MACROD2: variants seen among roughly 807,000 people sequenced by gnomAD.
MACROD2 encodes the protein ADP-ribose glycohydrolase MACROD2.
In MACROD2, 36 loss-of-function variants were observed where a neutral mutation model predicts 70.4. That is an observed-to-expected ratio of 0.51 (90% confidence interval 0.39 to 0.68). MACROD2 has a LOEUF of 0.68. Ranked by LOEUF, MACROD2 falls within the 30% of genes least tolerant of loss-of-function variation. The pLI, the probability that MACROD2 is intolerant of heterozygous loss-of-function variation, is 0.00. For missense variants in MACROD2, 496 were observed against 538.4 expected (o/e 0.92, Z 0.78); for synonymous variants, 172 against 178.8 (o/e 0.96, Z 0.30).
intron 5 of MACROD2, among the ~76,000 whole-genome samples, chr20:15,075,844 C>T (rs1030462870): frequency 1.3e-5 from 2 of 152,022 alleles, no homozygotes; most frequent in Non-Finnish European, 2.9e-5. Context: ...ACAAAGACAC[C>T]CTCCATGAGC....
At chr20:15,086,303 T>G (rs1354227450) in intron 5 of MACROD2, among the ~76,000 whole-genome samples, 1 of 152,212 alleles carries the variant, frequency 6.6e-6, no homozygotes, top group Non-Finnish European at 1.5e-5. Flanking sequence ...GAATACACAC[T>G]ATGTATGTTA....
At chr20:14,239,136 G>C (rs2122229522) in intron 3 of MACROD2, among the ~76,000 whole-genome samples, 1 of 151,384 alleles carries the variant, frequency 6.6e-6, no homozygotes. Context: ...AGGCAAAAGA[G>C]AATAAAGTAC....
intron 3 of MACROD2, among the ~76,000 whole-genome samples, chr20:14,215,263 CATAT>C (rs948330778): frequency 6.7e-6 from 1 of 148,418 alleles, no homozygotes; most frequent in Non-Finnish European, 1.5e-5. Context: ...TATATTCCAT[CATAT>C]ATATATGTTC....
At chr20:14,435,423 T>C (rs995272256) in intron 3 of MACROD2, among the ~76,000 whole-genome samples, 4 of 152,182 alleles carry the variant, frequency 2.6e-5, no homozygotes, top group Admixed American at 2.0e-4. Context: ...GACATATCTT[T>C]TGTGGGGGCA....
chr20:15,656,403 T>C (rs1017759294), intron 8 of MACROD2, among the ~76,000 whole-genome samples: 4 of 152,224 alleles, frequency 2.6e-5, no homozygotes, highest in African/African-American at 9.7e-5. Flanking sequence ...TAGGAATGGC[T>C]ATCTTTCTTG....
At chr20:15,511,884 C>T (rs1317181310) in intron 8 of MACROD2, among the ~76,000 whole-genome samples, 1 of 152,156 alleles carries the variant, frequency 6.6e-6, no homozygotes, top group Non-Finnish European at 1.5e-5. Context: ...CTGGGGCATA[C>T]CCTAAATCTA....
At chr20:15,118,337 C>T (rs1175711686) in intron 5 of MACROD2, among the ~76,000 whole-genome samples, 2 of 151,992 alleles carry the variant, frequency 1.3e-5, no homozygotes, top group Non-Finnish European at 2.9e-5. Context: ...GGACTACAGG[C>T]ATGCGCCACC....
Position 14,278,538 on chromosome 20 carries a change from A to G in MACROD2, c.271+192810A>G, listed in dbSNP as rs77304142. ...AGTTTTAGCCATCTCTTTTTCAGCAATATTTTTTCTTCTTCCTTAAACTAA... is the reference window on the plus strand; with the variant it reads ...AGTTTTAGCCATCTCTTTTTCAGCAGTATTTTTTCTTCTTCCTTAAACTAA... On this transcript the variant is annotated intron_variant, in intron 3 of 17. Transcript: ENST00000684519. Among the ~76,000 whole-genome samples the G allele has an allele frequency of 2.6e-3, 402 of 152,316 alleles. 3 individuals carry two copies. The highest frequency in any genetic ancestry group is 9.4e-3 in the African/African-American group (389 of 41,572).
intron 3 of MACROD2, among the ~76,000 whole-genome samples, chr20:14,412,937 A>T (rs972181404): frequency 6.6e-6 from 1 of 152,204 alleles, no homozygotes; most frequent in African/African-American, 2.4e-5. Context: ...TTTTGGCAGA[A>T]CAGTGACTCA....
At chr20:15,695,444 G>A (rs2050354894) in intron 8 of MACROD2, among the ~76,000 whole-genome samples, 1 of 141,936 alleles carries the variant, frequency 7.0e-6, no homozygotes, top group African/African-American at 2.7e-5. Context: ...GTCTTGCTCT[G>A]TCACCCAGGC....
chr20:14,622,511 G>C (rs1307262914), intron 4 of MACROD2, among the ~76,000 whole-genome samples: 1 of 152,144 alleles, frequency 6.6e-6, no homozygotes, highest in Non-Finnish European at 1.5e-5. Context: ...AGACACAAAA[G>C]AGTTGTTAGA....
chr20:15,523,267 C>T (rs567000250), intron 8 of MACROD2, among the ~76,000 whole-genome samples: 165 of 152,276 alleles, frequency 1.1e-3, no homozygotes, highest in African/African-American at 3.9e-3. Context: ...TCACTTGAGT[C>T]GTGGCAGATA....
At chr20:15,688,947 G>A (rs545624824) in intron 8 of MACROD2, among the ~76,000 whole-genome samples, 2 of 152,340 alleles carry the variant, frequency 1.3e-5, no homozygotes, top group East Asian at 1.9e-4. Flanking sequence ...TGGATAACAA[G>A]TATTTATTGC....
intron 6 of MACROD2, among the ~76,000 whole-genome samples, chr20:15,308,784 C>A (rs2077723241): frequency 6.6e-6 from 1 of 152,138 alleles, no homozygotes; most frequent in Non-Finnish European, 1.5e-5. Flanking sequence ...GCACACGTAG[C>A]CTGTGCTCTC....
intron 8 of MACROD2, among the ~76,000 whole-genome samples, chr20:15,636,976 C>T (rs1004613809): frequency 3.9e-5 from 6 of 152,324 alleles, no homozygotes; most frequent in South Asian, 4.1e-4. Flanking sequence ...AGCCACTTCA[C>T]TGCTGAAGGT....
chr20:14,596,843 A>G (rs1982175114), intron 4 of MACROD2, among the ~76,000 whole-genome samples: 1 of 152,182 alleles, frequency 6.6e-6, no homozygotes. Flanking sequence ...CAAATGAAGT[A>G]TGTTTGTACA....
chr20:14,762,797 G>A (rs1434057075), intron 5 of MACROD2, among the ~76,000 whole-genome samples: 1 of 152,040 alleles, frequency 6.6e-6, no homozygotes, highest in Non-Finnish European at 1.5e-5. Flanking sequence ...AGATGTGGCT[G>A]TGGGCATCTG....
At chr20:15,568,320 T>G (rs563446609) in intron 8 of MACROD2, among the ~76,000 whole-genome samples, 1 of 152,326 alleles carries the variant, frequency 6.6e-6, no homozygotes, top group Admixed American at 6.5e-5. Flanking sequence ...TACAACACAT[T>G]GTTTTCCTTT....
At chr20:15,921,878 G>C (rs192565125) in intron 10 of MACROD2, among the ~76,000 whole-genome samples, 1 of 152,344 alleles carries the variant, frequency 6.6e-6, no homozygotes, top group East Asian at 1.9e-4. Flanking sequence ...CCTGTGGGCA[G>C]CTGAGACTTA....
Sources: gnomAD v4.1 joint callset for allele counts (sites outside exome capture counted in the v4.1 genomes callset) on GRCh38, gnomAD v4.1.1 for gene constraint, MANE v1.5 for transcripts, NCBI Gene and HGNC (gene_info 2026-07-23, HGNC 2026-07-21) for gene names.